The following CCND3 variants were observed in gnomAD, a reference collection of about 807,000 sequenced individuals.
The protein encoded by CCND3 is cyclin D3.
In CCND3, 9 loss-of-function variants were observed where a neutral mutation model predicts 28.7. That is an observed-to-expected ratio of 0.31 (90% CI 0.19 to 0.55). The LOEUF (loss-of-function observed/expected upper bound fraction) is 0.55, where lower values mean the gene tolerates loss of function less well. CCND3 is among the 20% of genes least tolerant of loss of function. CCND3 has a pLI of 0.93. For missense variants in CCND3, 315 were observed against 385.8 expected (o/e 0.82, Z 1.54); for synonymous variants, 164 against 163.9 (o/e 1.00, Z 0.00).
chr6:42,026,953 T>C (rs1763893217), intron 1 of CCND3, among the ~76,000 whole-genome samples: 1 of 152,188 alleles, frequency 6.6e-6, no homozygotes, highest in Non-Finnish European at 1.5e-5. Context: ...AATTTCCATT[T>C]TGCTAAGCCA....
rs57619585 is a variant in CCND3, at chr6:42,036,403, A to ATATAT, written c.-46+12097_-46+12098insATATA. Among the ~76,000 whole-genome samples the ATATAT allele has an allele frequency of 6.8e-3, 213 of 31,334 alleles. 8 individuals are homozygous for ATATAT. The highest frequency in any genetic ancestry group is 0.025 in the East Asian group (18 of 730). 20.6% of individuals were successfully genotyped at this position (31,334 alleles called of 152,430 possible). A position where few individuals can be genotyped will look rare whatever the true frequency, so the allele number is the denominator to read the frequency against. On this transcript the variant is annotated intron_variant, in intron 1 of 4. Coordinates refer to the CCND3 transcript ENST00000372988. ...TATATATATATATATATATATATAT[A>ATATAT]TTTTTTTTTTTTTTTTTTTTTTTTG...
chr6:41,940,643 G>GC (rs1190883174), intron 1 of CCND3, 58 bp from the exon 2 acceptor site: 1 of 1,225,344 alleles, frequency 8.2e-7, no homozygotes, highest in African/African-American at 1.5e-5. Context: ...CAGCAGCGGG[G>GC]GGGTGGGAGC....
At chr6:42,024,714 A>T (rs1476960808) in intron 1 of CCND3, among the ~76,000 whole-genome samples, 2 of 152,158 alleles carry the variant, frequency 1.3e-5, no homozygotes, top group African/African-American at 4.8e-5. Context: ...TGAGGGTAGG[A>T]GTTTGACACC....
In CCND3 at chr6:42,003,581, T is replaced by C. The variant is rs79426193; in HGVS notation, c.-46+44920A>G. ...AAAAAAAGAACAGCAGAATAAGTCT[T>C]AAGGAGAATAAAACAATAAAAGCAG... On this transcript the variant is annotated intron_variant, in intron 1 of 4. Coordinates refer to the CCND3 transcript ENST00000372988. Among the ~76,000 whole-genome samples, 787 of 127,504 alleles carry C rather than the reference T, an allele frequency of 6.2e-3. 10 individuals are homozygous for C. Among genetic ancestry groups the C allele is most frequent in the African/African-American group, 0.023 (741 of 32,484 alleles). 83.6% of individuals were successfully genotyped at this position (127,504 alleles called of 152,430 possible). A position where few individuals can be genotyped will look rare whatever the true frequency, so the allele number is the denominator to read the frequency against.
intron 1 of CCND3, among the ~76,000 whole-genome samples, chr6:41,961,158 A>G (rs1339163575): frequency 2.6e-5 from 4 of 152,156 alleles, no homozygotes; most frequent in Admixed American, 2.6e-4. Context: ...CTGTCAAACA[A>G]TCCCAGCAAT....
intron 1 of CCND3, among the ~76,000 whole-genome samples, chr6:41,996,776 T>G (rs1489884616): frequency 6.6e-6 from 1 of 151,156 alleles, no homozygotes; most frequent in Non-Finnish European, 1.5e-5. Flanking sequence ...GCGATTCTCC[T>G]GCCTCAGCCT....
chr6:41,986,909 C>T (rs1762494563), intron 1 of CCND3, among the ~76,000 whole-genome samples: 1 of 152,016 alleles, frequency 6.6e-6, no homozygotes, highest in Non-Finnish European at 1.5e-5. Context: ...CCCATACTTG[C>T]ATGATTAATG....
chr6:41,958,047 C>G (rs1245078882), intron 1 of CCND3, among the ~76,000 whole-genome samples: 1 of 142,104 alleles, frequency 7.0e-6, no homozygotes, highest in Admixed American at 7.5e-5. Context: ...CCCAGACAGA[C>G]AGACCAGTGA....
chr6:41,951,561 CA>C (rs1776313752), intron 1 of CCND3, among the ~76,000 whole-genome samples: 1 of 78,288 alleles, frequency 1.3e-5, no homozygotes, highest in Non-Finnish European at 2.7e-5. Context: ...CACACACACA[CA>C]CACACACACA....
At chr6:41,977,487 C>T (rs1762216778) in intron 1 of CCND3, among the ~76,000 whole-genome samples, 1 of 152,014 alleles carries the variant, frequency 6.6e-6, no homozygotes, top group East Asian at 1.9e-4. Flanking sequence ...CTGCCTCAGC[C>T]TCCAAAGTAG....
At chr6:41,970,739 G>A (rs560600186) in intron 1 of CCND3, among the ~76,000 whole-genome samples, 8 of 152,280 alleles carry the variant, frequency 5.3e-5, no homozygotes, top group South Asian at 4.2e-4. Context: ...GGGGAAAGTC[G>A]AATGGGTGCC....
intron 1 of CCND3, chr6:41,940,978 C>G (rs1293975994): frequency 6.2e-7 from 1 of 1,612,940 alleles, no homozygotes; most frequent in Non-Finnish European, 8.5e-7. Context: ...AGGCTCCTGC[C>G]GCTGCCTCCT....
intron 1 of CCND3, among the ~76,000 whole-genome samples, chr6:41,985,409 G>A (rs1276662038): frequency 1.4e-5 from 2 of 147,640 alleles, no homozygotes; most frequent in African/African-American, 2.5e-5. Context: ...CGCCTCCCGG[G>A]TCCAAGAGAT....
At chr6:42,043,856 G>GC (rs1233266649) in intron 1 of CCND3, among the ~76,000 whole-genome samples, 1 of 152,220 alleles carries the variant, frequency 6.6e-6, no homozygotes, top group Non-Finnish European at 1.5e-5. Flanking sequence ...TAACCCCTCA[G>GC]CCCTCACCTC....
intron 1 of CCND3, among the ~76,000 whole-genome samples, chr6:41,974,118 G>T (rs1762105070): frequency 6.6e-6 from 1 of 152,204 alleles, no homozygotes; most frequent in Admixed American, 6.6e-5. Context: ...GGGAGGTGGA[G>T]GTTGCAGTGA....
intron 1 of CCND3, among the ~76,000 whole-genome samples, chr6:42,006,694 G>A (rs1432409730): frequency 3.3e-5 from 5 of 152,182 alleles, no homozygotes; most frequent in Admixed American, 6.5e-5. Flanking sequence ...GGGTCACGAG[G>A]TCAGGAGATC....
At chr6:42,023,139 T>C (rs1387087042) in intron 1 of CCND3, among the ~76,000 whole-genome samples, 1 of 152,230 alleles carries the variant, frequency 6.6e-6, no homozygotes, top group Non-Finnish European at 1.5e-5. Flanking sequence ...TGCATGTTCC[T>C]GGCTGAGGTG....
At position 41,935,830 on chromosome 6, in the gene CCND3, G is replaced by C. The variant is rs766938960; in HGVS notation, c.*110C>G. On this transcript the variant is annotated 3_prime_UTR_variant, in exon 5 of 5. Transcript: ENST00000372991. ...CAGATCCCTTGGGCTTTGTGAAGGGGGAACAGACGCCCCTTCAGGCTTAGA... is the reference window on the plus strand; with the variant it reads ...CAGATCCCTTGGGCTTTGTGAAGGGCGAACAGACGCCCCTTCAGGCTTAGA... 5 of 1,070,252 alleles carry C rather than the reference G, an allele frequency of 4.7e-6. No homozygotes were observed. In the South Asian group the frequency reaches 6.7e-5, roughly 14 times the overall value. The allele number at this position is 1,070,252 out of a possible 1,614,324, so 66.3% of individuals were successfully genotyped here. A position where few individuals can be genotyped will look rare whatever the true frequency, so the allele number is the denominator to read the frequency against.
chr6:42,018,103 C>T (rs868820549), intron 1 of CCND3, among the ~76,000 whole-genome samples: 7 of 151,544 alleles, frequency 4.6e-5, no homozygotes, highest in South Asian at 4.2e-4. Context: ...GAGCCGAGAT[C>T]GCACCACTGC....
Sources: gnomAD v4.1 joint callset for allele counts (sites outside exome capture counted in the v4.1 genomes callset) on GRCh38, gnomAD v4.1.1 for gene constraint, MANE v1.5 for transcripts, NCBI Gene and HGNC (gene_info 2026-07-23, HGNC 2026-07-21) for gene names.